COL21A1: variants seen among roughly 807,000 people sequenced by gnomAD.
COL21A1 encodes collagen alpha-1(XXI) chain.
COL21A1 carries 149 observed loss-of-function variants against 137.9 expected under a neutral mutation model. The ratio of observed to expected loss-of-function variants is 1.08; its 90% CI spans 0.95 to 1.24. The LOEUF is 1.24. COL21A1 is among the 50% of genes most tolerant of loss of function. The probability of loss-of-function intolerance (pLI) is 0.00; values close to 1 mark genes in which losing one functional copy is unlikely to be tolerated. For synonymous variants in COL21A1, 456 were observed against 391.5 expected (o/e 1.16, Z -1.95); for missense variants, 1,167 against 1,158.4 (o/e 1.01, Z -0.11).
chr6:56,171,829 AT>A (rs1582551227), intron 3 of COL21A1, among the ~76,000 whole-genome samples: 1 of 151,894 alleles, frequency 6.6e-6, no homozygotes, highest in Admixed American at 6.6e-5. Flanking sequence ...AGTCAGCTAT[AT>A]AGGTAATAAG....
intron 1 of COL21A1, among the ~76,000 whole-genome samples, chr6:56,229,230 T>G (rs757160458): frequency 1.3e-5 from 2 of 151,766 alleles, no homozygotes; most frequent in African/African-American, 2.4e-5. Context: ...AAAAAAATTT[T>G]TTTTAATTAG....
chr6:56,164,896 T>G (rs2152267986), intron 7 of COL21A1, 74 bp from the exon 8 acceptor site: 1 of 1,125,150 alleles, frequency 8.9e-7, no homozygotes, highest in South Asian at 1.6e-5. Context: ...AATTTACAGA[T>G]ATTTCACCAT....
chr6:56,067,002 GTA>G (rs67577800), intron 23 of COL21A1, among the ~76,000 whole-genome samples: 84,719 of 147,586 alleles, frequency 0.57, 24,569 homozygotes, highest in East Asian at 0.83. Flanking sequence ...TGTGTATGTG[GTA>G]TATATATATA....
At chr6:56,094,367 T>C (rs1255534718) in intron 17 of COL21A1, among the ~76,000 whole-genome samples, 1 of 152,162 alleles carries the variant, frequency 6.6e-6, no homozygotes, top group Admixed American at 6.5e-5. Flanking sequence ...TGTCCATTCA[T>C]CTAGCAACAG....
chr6:56,253,425 G>A (rs559363663), intron 1 of COL21A1, among the ~76,000 whole-genome samples: 32 of 152,282 alleles, frequency 2.1e-4, no homozygotes, highest in African/African-American at 7.7e-4. Flanking sequence ...TTAGTTAGCT[G>A]TTTTCTTAGA....
intron 8 of COL21A1, 115 bp downstream of exon 8, chr6:56,164,699 T>C (rs1776441112): frequency 1.1e-6 from 1 of 885,188 alleles, no homozygotes; most frequent in African/African-American, 1.7e-5. Context: ...ACATTGAAGT[T>C]ACATAAAAAT....
intron 1 of COL21A1, among the ~76,000 whole-genome samples, chr6:56,202,285 A>C (rs1779463432): frequency 6.6e-6 from 1 of 152,190 alleles, no homozygotes; most frequent in East Asian, 1.9e-4. Context: ...TTTCTGGAGG[A>C]AAAAGGGAAA....
intron 1 of COL21A1, among the ~76,000 whole-genome samples, chr6:56,232,872 A>G (rs1781661485): frequency 6.6e-6 from 1 of 151,924 alleles, no homozygotes; most frequent in Non-Finnish European, 1.5e-5. Flanking sequence ...GCTTTTGAAT[A>G]TTGTCAGATT....
intron 1 of COL21A1, among the ~76,000 whole-genome samples, chr6:56,185,183 AAAAAGTAG>A (rs1778184118): frequency 6.6e-6 from 1 of 151,976 alleles, no homozygotes; most frequent in Admixed American, 6.5e-5. Context: ...AAAAGTAGAA[AAAAAGTAG>A]AAAAGTAGAA....
At chr6:56,300,794 A>T (rs1764261086) in intron 1 of COL21A1, among the ~76,000 whole-genome samples, 1 of 152,138 alleles carries the variant, frequency 6.6e-6, no homozygotes, top group South Asian at 2.1e-4. Flanking sequence ...TCTAAAATCT[A>T]TTTTATTGAT....
intron 17 of COL21A1, among the ~76,000 whole-genome samples, chr6:56,089,954 A>G (rs1434258056): frequency 2.0e-5 from 3 of 152,134 alleles, no homozygotes; most frequent in Non-Finnish European, 4.4e-5. Context: ...AATTTAAAGG[A>G]CTTCTGGCTG....
At chr6:56,351,570 C>T (rs1765711776) in intron 1 of COL21A1, among the ~76,000 whole-genome samples, 1 of 152,156 alleles carries the variant, frequency 6.6e-6, no homozygotes, top group Non-Finnish European at 1.5e-5. Context: ...GTGAACCAAC[C>T]CAAGTCCTGG....
chr6:56,256,356 C>G (rs2152329918), intron 1 of COL21A1, among the ~76,000 whole-genome samples: 1 of 152,220 alleles, frequency 6.6e-6, no homozygotes, highest in East Asian at 1.9e-4. Flanking sequence ...TCATAAACAA[C>G]AATATATTTT....
intron 1 of COL21A1, among the ~76,000 whole-genome samples, chr6:56,324,279 A>G (rs1764945636): frequency 6.6e-6 from 1 of 152,122 alleles, no homozygotes; most frequent in African/African-American, 2.4e-5. Context: ...GGACTCAGAT[A>G]GAAACTTGCA....
intron 9 of COL21A1, among the ~76,000 whole-genome samples, chr6:56,160,320 TC>T (rs2152263455): frequency 6.6e-6 from 1 of 152,312 alleles, no homozygotes; most frequent in Admixed American, 6.5e-5. Context: ...CTTTTATTAT[TC>T]CCATTTTCTG....
chr6:56,233,549 C>A (rs1287481882), intron 1 of COL21A1, among the ~76,000 whole-genome samples: 1 of 151,540 alleles, frequency 6.6e-6, no homozygotes, highest in Admixed American at 6.6e-5. Context: ...AAGTTGAAAA[C>A]TTCTACCAGA....
In COL21A1 at chr6:56,057,686, C is replaced by A; in HGVS notation, c.2845G>T (p.Asp949Tyr). 2.5e-6 allele frequency: 4 copies of A among 1,613,224 alleles called. No homozygotes were observed. Among genetic ancestry groups the A allele is most frequent in the Non-Finnish European group, 2.5e-6 (3 of 1,179,578 alleles). Residue 949 changes from aspartate (D) to tyrosine (Y), a missense_variant, in exon 30 of 30, where the codon GAT (aspartate) becomes TAT (tyrosine). Asp to Tyr is a radical substitution (Grantham distance 160). Transcript: ENST00000244728. ...SLCFSVIARRDPFRKGPNY is the reference protein window; with the variant it reads ...SLCFSVIARRYPFRKGPNY ...TAGTTTGGTCCTTTTCTGAACGGAT[C>A]TCTTCTGGCAATTACACTAAAACAT...
chr6:56,242,083 T>C (rs910000323), intron 1 of COL21A1, among the ~76,000 whole-genome samples: 1 of 152,192 alleles, frequency 6.6e-6, no homozygotes. Context: ...ATCTTTAATA[T>C]TCCATCTTCT....
intron 1 of COL21A1, among the ~76,000 whole-genome samples, chr6:56,354,487 G>GAA (rs1290798809): frequency 1.4e-5 from 2 of 139,148 alleles, no homozygotes; most frequent in African/African-American, 2.4e-5. Context: ...GCTGAAATTA[G>GAA]AAAAACAAAC....
Sources: allele counts gnomAD v4.1 joint callset (sites outside exome capture counted in the v4.1 genomes callset), GRCh38; gene constraint gnomAD v4.1.1; transcripts MANE v1.5; gene names NCBI Gene and HGNC (gene_info 2026-07-23, HGNC 2026-07-21).